Variants in DNAJC5 observed in about 807,000 individuals in gnomAD.
The protein encoded by DNAJC5 is DnaJ heat shock protein family (Hsp40) member C5.
Under a neutral mutation model 23.2 loss-of-function variants are expected in DNAJC5, and 1 was observed. That is an observed-to-expected ratio of 0.04 (90% CI 0.02 to 0.20). The LOEUF is 0.20. Ranked by LOEUF, DNAJC5 falls within the 10% of genes least tolerant of loss-of-function variation. The probability of loss-of-function intolerance (pLI) is 1.00; values close to 1 mark genes in which losing one functional copy is unlikely to be tolerated. For synonymous variants in DNAJC5, 136 were observed against 120.0 expected (o/e 1.13, Z -0.87); for missense variants, 180 against 267.0 (o/e 0.67, Z 2.27).
At chr20:63,924,894 T>G (rs1475295742) in intron 1 of DNAJC5, among the ~76,000 whole-genome samples, 4 of 152,272 alleles carry the variant, frequency 2.6e-5, no homozygotes, top group Non-Finnish European at 5.9e-5. Flanking sequence ...CCAACTCACC[T>G]GTGTTATAGC....
In DNAJC5 at chr20:63,916,567, C is replaced by T. The variant is rs372105787; in HGVS notation, c.-11-11768C>T. Among the ~76,000 whole-genome samples, 5 of 152,258 alleles carry T rather than the reference C, an allele frequency of 3.3e-5. No individual in the cohort carries two copies. The East Asian group carries it at 5.8e-4, about 18-fold the overall frequency. ...ACTCCTGATAAGGGTCTGTGTTCAGCGGTGCATGTATTGTCTTGATAAACA... is the reference window on the plus strand; with the variant it reads ...ACTCCTGATAAGGGTCTGTGTTCAGTGGTGCATGTATTGTCTTGATAAACA... On this transcript the variant is annotated intron_variant, in intron 1 of 4. Transcript: ENST00000360864.
chr20:63,920,358 G>A lies in DNAJC5; in HGVS notation c.-11-7977G>A, dbSNP rs927128016. ...AGGTAGTCCTGCGTCGGACCGGGAA[G>A]TGTGGTGGGTGTGGTGGGGGAAGGG... On this transcript the variant is annotated intron_variant, in intron 1 of 4. Coordinates refer to ENST00000360864, the MANE Select transcript of DNAJC5 (RefSeq NM_025219.3). The surrounding 1 kb of genome is among the most constrained non-coding windows in gnomAD (Gnocchi z 4.6). 5.3e-5 allele frequency among the ~76,000 whole-genome samples: 8 copies of A among 152,362 alleles called. No individual in the cohort carries two copies. The highest frequency in any genetic ancestry group is 1.2e-4 in the Non-Finnish European group (8 of 68,034).
In DNAJC5 at chr20:63,928,457, G is replaced by A. The variant is rs907837427; in HGVS notation, c.107+5G>A. The A allele has an allele frequency of 1.2e-6, 2 of 1,610,744 alleles. No individual in the cohort carries two copies. The highest frequency in any genetic ancestry group is 1.7e-6 in the Non-Finnish European group (2 of 1,177,230). ...TGACATTAAAAAGTCCTATCGGTAA[G>A]TGGACAAGTGTGGCCCCCACATCCC... On this transcript the variant is annotated splice_donor_5th_base_variant and intron_variant, in intron 2 of 4. Coordinates refer to ENST00000360864, the MANE Select transcript of DNAJC5 (RefSeq NM_025219.3). This position sits in a 1 kb window ranked among gnomAD's most constrained non-coding sequence, Gnocchi z 4.6.
In DNAJC5 at chr20:63,925,425, G is replaced by A. The variant is rs201386137; in HGVS notation, c.-11-2910G>A. ...TTGAACCCGGGAGGCAGAGATTGCA[G>A]TGAACTGAGGTCACACCACTGCACT... is the stretch of plus-strand genomic sequence containing the variant. On this transcript the variant is annotated intron_variant, in intron 1 of 4. Coordinates refer to ENST00000360864, the MANE Select transcript of DNAJC5 (RefSeq NM_025219.3). 2.6e-5 allele frequency among the ~76,000 whole-genome samples: 4 copies of A among 152,328 alleles called. No homozygotes were observed. The East Asian group carries it at 7.7e-4, about 29-fold the overall frequency.
At chr20:63,912,460 A>G (rs532817869) in intron 1 of DNAJC5, among the ~76,000 whole-genome samples, 1 of 152,324 alleles carries the variant, frequency 6.6e-6, no homozygotes, top group African/African-American at 2.4e-5. Flanking sequence ...TCTATTCCAA[A>G]TAAAAATCCA....
intron 1 of DNAJC5, among the ~76,000 whole-genome samples, chr20:63,909,958 T>C (rs1272241282): frequency 6.6e-6 from 1 of 152,214 alleles, no homozygotes; most frequent in Non-Finnish European, 1.5e-5. Context: ...TCTTTCATAT[T>C]TGGGACTGTG....
intron 1 of DNAJC5, among the ~76,000 whole-genome samples, chr20:63,913,204 T>C (rs1257427803): frequency 1.9e-5 from 2 of 104,734 alleles, no homozygotes. Context: ...CCAGTGTGAC[T>C]GTCGCTCTTG....
intron 1 of DNAJC5, chr20:63,909,165 C>A (rs1172491672): frequency 1.3e-5 from 2 of 150,652 alleles, no homozygotes; most frequent in African/African-American, 4.9e-5. Flanking sequence ...CGTGGTGGCT[C>A]ACGCCTGTCA....
At chr20:63,912,280 G>A (rs2053487214) in intron 1 of DNAJC5, among the ~76,000 whole-genome samples, 1 of 150,790 alleles carries the variant, frequency 6.6e-6, no homozygotes, top group African/African-American at 2.4e-5. Context: ...TCCAGCGTGG[G>A]CGACAGAGTG....
intron 1 of DNAJC5, among the ~76,000 whole-genome samples, chr20:63,900,365 T>C (rs13036859): frequency 6.6e-6 from 1 of 151,112 alleles, no homozygotes; most frequent in East Asian, 2.0e-4. Flanking sequence ...ATTGCTAGAG[T>C]CCAGAAGTGA....
chr20:63,901,864 T>A (rs1377914623), intron 1 of DNAJC5, among the ~76,000 whole-genome samples: 5 of 152,222 alleles, frequency 3.3e-5, no homozygotes, highest in Admixed American at 3.3e-4. Context: ...TTCTGTCATC[T>A]CTTGCCAAGT....
At chr20:63,919,218 A>G (rs887605510) in intron 1 of DNAJC5, among the ~76,000 whole-genome samples, 6 of 152,236 alleles carry the variant, frequency 3.9e-5, no homozygotes, top group Non-Finnish European at 8.8e-5. Context: ...GGGACCTGCT[A>G]AACTGCAAGC....
rs1358914493 is a variant in DNAJC5 at position 63,931,009 on chromosome 20, G to A, written c.480G>A (p.Gln160=). ...VSPEDLEAQL[Q]SDEREATDTP... ...CCGAGGATCTGGAGGCACAGCTGCA[G>A]TCTGACGAGAGGGGTGAGTGCCCGC... The change falls in exon 4 of 5, where the codon CAG becomes CAA. Residue 160 remains glutamine, a synonymous_variant. Coordinates refer to ENST00000360864, the MANE Select transcript of DNAJC5 (RefSeq NM_025219.3). The surrounding 1 kb of genome is among the most constrained non-coding windows in gnomAD (Gnocchi z 9.6). 1.2e-6 allele frequency: 2 copies of A among 1,613,914 alleles called. No homozygotes were observed. The highest frequency in any genetic ancestry group is 1.7e-6 in the Non-Finnish European group (2 of 1,180,040).
At position 63,920,637 on chromosome 20, in the gene DNAJC5, A is replaced by G. The variant is rs2053562839; in HGVS notation, c.-11-7698A>G. ...ACGGACTGGGATACGCTGGATTTGT[A>G]AAACGTGACCCTTTTTGTTTGCTTT... is the stretch of plus-strand genomic sequence containing the variant. On this transcript the variant is annotated intron_variant, in intron 1 of 4. Transcript: ENST00000360864. The surrounding 1 kb of genome is among the most constrained non-coding windows in gnomAD (Gnocchi z 4.6). 6.6e-6 allele frequency among the ~76,000 whole-genome samples: 1 copy of G among 152,234 alleles called. No homozygotes were observed. Among genetic ancestry groups the G allele is most frequent in the African/African-American group, 2.4e-5 (1 of 41,468 alleles).
In DNAJC5 at chr20:63,933,523, A is replaced by G. The variant is rs192839202; in HGVS notation, c.*1955A>G. ...GAGATATGCACTGTGATATTAAATTAGAAATAATTTATCAAAATCAGACCT... is the reference window on the plus strand; with the variant it reads ...GAGATATGCACTGTGATATTAAATTGGAAATAATTTATCAAAATCAGACCT... On this transcript the variant is annotated 3_prime_UTR_variant, in exon 5 of 5. Coordinates refer to ENST00000360864, the MANE Select transcript of DNAJC5 (RefSeq NM_025219.3). 1 of 152,508 alleles carries G rather than the reference A, an allele frequency of 6.6e-6. No individual in the cohort carries two copies. The highest frequency in any genetic ancestry group is 1.9e-4 in the East Asian group (1 of 5,330). 9.4% of individuals were successfully genotyped at this position (152,508 alleles called of 1,614,324 possible).
chr20:63,906,920 A>C (rs1226496025), intron 1 of DNAJC5, among the ~76,000 whole-genome samples: 6 of 152,098 alleles, frequency 3.9e-5, no homozygotes, highest in Admixed American at 3.9e-4. Context: ...TGGGCAACTT[A>C]GGGAGATCCT....
chr20:63,924,537 C>T (rs1175294295), intron 1 of DNAJC5, among the ~76,000 whole-genome samples: 1 of 152,170 alleles, frequency 6.6e-6, no homozygotes, highest in East Asian at 1.9e-4. Context: ...AGACATGAGC[C>T]ACCATGCCTA....
chr20:63,931,718 G>C lies in DNAJC5; in HGVS notation c.*150G>C, dbSNP rs1160484010. ...CCTGCCTCCACGCCCACCCAGCGTC[G>C]ACCCTTGACCCACGAAGTGCGTAGC... On this transcript the variant is annotated 3_prime_UTR_variant, in exon 5 of 5. Transcript: ENST00000360864. This position sits in a 1 kb window ranked among gnomAD's most constrained non-coding sequence, Gnocchi z 9.6. The C allele has an allele frequency of 1.4e-6, 1 of 740,138 alleles. No individual in the cohort carries two copies. The highest frequency in any genetic ancestry group is 2.4e-6 in the Non-Finnish European group (1 of 423,460). 45.8% of individuals were successfully genotyped at this position (740,138 alleles called of 1,614,324 possible).
At position 63,923,212 on chromosome 20, in the gene DNAJC5, T is replaced by C. The variant is rs576498468; in HGVS notation, c.-11-5123T>C. Among the ~76,000 whole-genome samples, 143 of 151,854 alleles carry C rather than the reference T, an allele frequency of 9.4e-4. 1 individual carries two copies. Among genetic ancestry groups the C allele is most frequent in the African/African-American group, 3.1e-3 (130 of 41,388 alleles). On this transcript the variant is annotated intron_variant, in intron 1 of 4. Coordinates refer to ENST00000360864, the MANE Select transcript of DNAJC5 (RefSeq NM_025219.3). ...GGCTTGCACCTATAATCCTGGCACT[T>C]TGGGAGGCTGAGGCAGGAGGATCAC...
Sources: allele counts gnomAD v4.1 joint callset (sites outside exome capture counted in the v4.1 genomes callset), GRCh38; gene constraint gnomAD v4.1.1; non-coding constraint Gnocchi (gnomAD v3.1); transcripts MANE v1.5; gene names NCBI Gene and HGNC (gene_info 2026-07-23, HGNC 2026-07-21).